The following FGF13 variants were observed in gnomAD, a reference collection of about 807,000 sequenced individuals.
FGF13 encodes fibroblast growth factor 13, also known as fibroblast growth factor homologous factor 2.
Under a neutral mutation model 19.5 loss-of-function variants are expected in FGF13, and 2 were observed. The ratio of observed to expected loss-of-function variants is 0.10; its 90% CI spans 0.04 to 0.32. FGF13 has a LOEUF of 0.32. Ranked by LOEUF, FGF13 falls within the 10% of genes least tolerant of loss-of-function variation. The probability of loss-of-function intolerance (pLI) is 1.00; values close to 1 mark genes in which losing one functional copy is unlikely to be tolerated. For synonymous variants in FGF13, 72 were observed against 76.9 expected, an observed-to-expected ratio of 0.94 and a Z score of 0.33; for missense variants, 113 against 192.7, an observed-to-expected ratio of 0.59 and a Z score of 2.45.
intron 3 of FGF13, among the ~76,000 whole-genome samples, chrX:138,749,322 T>TACACAC (rs34038080): frequency 0.013 from 1,032 of 81,674 alleles, 13 homozygotes; most frequent in African/African-American, 0.033. Flanking sequence ...GAGACCAAAA[T>TACACAC]ACACACACAC....
intron 3 of FGF13, among the ~76,000 whole-genome samples, chrX:138,844,464 A>G (rs1488002401): frequency 8.9e-6 from 1 of 111,861 alleles, no homozygotes; most frequent in Non-Finnish European, 1.9e-5. Context: ...CAGTTTAACT[A>G]TTTCAGTGAT....
intron 1 of FGF13, among the ~76,000 whole-genome samples, chrX:139,034,345 T>C (rs951488948): frequency 9.0e-6 from 1 of 110,940 alleles, no homozygotes; most frequent in Non-Finnish European, 1.9e-5. Context: ...AGGCAAAACA[T>C]AGAAAGAATG....
intron 1 of FGF13, among the ~76,000 whole-genome samples, chrX:138,970,632 A>C (rs773706087): frequency 4.1e-4 from 46 of 111,376 alleles, no homozygotes; most frequent in African/African-American, 1.5e-3. Context: ...TCTTCTCACA[A>C]AGCACCAGGG....
chrX:139,043,202 G>C (rs895392752), intron 1 of FGF13, among the ~76,000 whole-genome samples: 2 of 110,522 alleles, frequency 1.8e-5, no homozygotes, highest in Non-Finnish European at 3.8e-5. Flanking sequence ...TTTCAATTAG[G>C]GAAAGCTAAT....
In FGF13 at chrX:138,625,969, C is replaced by A. The variant is rs190778653; in HGVS notation, c.*6881G>T. 9.0e-6 allele frequency: 1 copy of A among 110,947 alleles called. No homozygotes were observed. Among genetic ancestry groups the A allele is most frequent in the African/African-American group, 3.3e-5 (1 of 30,477 alleles). 9.1% of individuals were successfully genotyped at this position (110,947 alleles called of 1,213,427 possible). ...GGCAAAATACAGATTGTTCAACAGA[C>A]GAAAAGGAGGAATTAGTAGGGCAAT... On this transcript the variant is annotated 3_prime_UTR_variant, in exon 5 of 5. Coordinates refer to ENST00000315930, the MANE Select transcript of FGF13 (RefSeq NM_004114.5).
intron 1 of FGF13, among the ~76,000 whole-genome samples, chrX:139,014,149 A>T (rs1349752061): frequency 9.0e-6 from 1 of 111,655 alleles, no homozygotes; most frequent in Non-Finnish European, 1.9e-5. Context: ...TGCCTACATC[A>T]AAAAAGAAAT....
intron 1 of FGF13, among the ~76,000 whole-genome samples, chrX:138,866,390 AAG>A (rs780161203): frequency 6.2e-4 from 70 of 112,721 alleles, no homozygotes; most frequent in Non-Finnish European, 1.1e-3. Context: ...GCTTAGAAGA[AAG>A]AGCTTTAGAA....
chrX:138,996,957 T>C (rs189129894), intron 1 of FGF13, among the ~76,000 whole-genome samples: 2 of 112,008 alleles, frequency 1.8e-5, no homozygotes, highest in East Asian at 5.7e-4. Flanking sequence ...CGGGTGCCTC[T>C]CTGGGACAAA....
chrX:138,706,151 G>A lies in FGF13; in HGVS notation c.298+2667C>T, dbSNP rs758256658. Among the ~76,000 whole-genome samples, 8 of 107,838 alleles carry A rather than the reference G, an allele frequency of 7.4e-5. No individual in the cohort carries two copies. In the Admixed American group the frequency reaches 8.0e-4, roughly 11 times the overall value. The allele number at this position is 107,838 out of a possible 115,157, so 93.6% of individuals were successfully genotyped here. A position where few individuals can be genotyped will look rare whatever the true frequency, so the allele number is the denominator to read the frequency against. ...TTAATGAAAGTATATATTAACGTAGGTTGGAAAGGCAACATGTTGAACTGA... is the reference window on the plus strand; with the variant it reads ...TTAATGAAAGTATATATTAACGTAGATTGGAAAGGCAACATGTTGAACTGA... On this transcript the variant is annotated intron_variant, in intron 2 of 4. Transcript: ENST00000315930.
rs1340478460 is a variant in FGF13 at position 138,615,164 on chromosome X, C to T, written c.*17686G>A. 9.0e-6 allele frequency: 1 copy of T among 111,196 alleles called. No individual in the cohort carries two copies. Among genetic ancestry groups the T allele is most frequent in the Admixed American group, 9.6e-5 (1 of 10,438 alleles). The allele number at this position is 111,196 out of a possible 1,213,427, so 9.2% of individuals were successfully genotyped here. On this transcript the variant is annotated 3_prime_UTR_variant, in exon 5 of 5. Coordinates refer to ENST00000315930, the MANE Select transcript of FGF13 (RefSeq NM_004114.5). ...TGTGGTAAAATTGCATAGACCTACA[C>T]ACATAAACGTGCACGCACACACACA... is the stretch of plus-strand genomic sequence containing the variant.
chrX:138,913,646 A>G (rs1267949789), intron 1 of FGF13, among the ~76,000 whole-genome samples: 4 of 12,180 alleles, frequency 3.3e-4, no homozygotes, highest in Admixed American at 8.5e-4. Flanking sequence ...TGGAGGAAGG[A>G]AGGAAGGAAG....
chrX:138,976,040 C>T (rs1603088580), intron 1 of FGF13, among the ~76,000 whole-genome samples: 2 of 111,349 alleles, frequency 1.8e-5, no homozygotes, highest in African/African-American at 6.5e-5. Flanking sequence ...ATCTGAATTG[C>T]ATTAGTGTCC....
chrX:139,130,485 C>T (rs1353621157), intron 1 of FGF13, among the ~76,000 whole-genome samples: 1 of 112,036 alleles, frequency 8.9e-6, no homozygotes, highest in Admixed American at 9.5e-5. Flanking sequence ...TTGCTGAGCT[C>T]ATTTATACCA....
intron 1 of FGF13, among the ~76,000 whole-genome samples, chrX:138,936,776 T>G (rs1192113971): frequency 8.9e-6 from 1 of 112,244 alleles, no homozygotes; most frequent in African/African-American, 3.2e-5. Flanking sequence ...TTACATATTG[T>G]GGTCTCCAGG....
chrX:139,112,338 T>C (rs945341158), intron 1 of FGF13, among the ~76,000 whole-genome samples: 1 of 111,370 alleles, frequency 9.0e-6, no homozygotes, highest in African/African-American at 3.3e-5. Context: ...AGGCTCTCCA[T>C]AATCATTAAC....
chrX:138,837,299 G>A (rs1004061953), intron 3 of FGF13, among the ~76,000 whole-genome samples: 5 of 111,118 alleles, frequency 4.5e-5, no homozygotes, highest in South Asian at 3.8e-4. Context: ...CAAAGATGGC[G>A]GTCTGCCCCT....
chrX:139,013,479 T>TTATA lies in FGF13; in HGVS notation c.-112-148833_-112-148830dup, dbSNP rs202184653. 4.5e-3 allele frequency among the ~76,000 whole-genome samples: 321 copies of TTATA among 70,886 alleles called. 1 individual carries two copies. The highest frequency in any genetic ancestry group is 7.3e-3 in the African/African-American group (120 of 16,462). 61.6% of individuals were successfully genotyped at this position (70,886 alleles called of 115,157 possible). On this transcript the variant is annotated intron_variant, in intron 1 of 2. Coordinates refer to the FGF13 transcript ENST00000421460. Reference sequence around the variant, plus strand: ...AATCAATGAATGGATAAAGAAAATTTTATATATATATATATATATATATAT... The same window carrying TTATA: ...AATCAATGAATGGATAAAGAAAATTTTATATATATATATATATATATATATATAT...
At chrX:139,056,657 G>A (rs759642673) in intron 1 of FGF13, among the ~76,000 whole-genome samples, 6 of 112,079 alleles carry the variant, frequency 5.4e-5, no homozygotes, top group South Asian at 3.7e-4. Context: ...AATAATGTGG[G>A]TGTAAATCTC....
chrX:138,785,886 C>T (rs2090687880), intron 3 of FGF13, among the ~76,000 whole-genome samples: 1 of 111,714 alleles, frequency 9.0e-6, no homozygotes, highest in Admixed American at 9.6e-5. Flanking sequence ...GATTCTTACC[C>T]ACAAATCATC....
Sources: gnomAD v4.1 joint callset for allele counts (sites outside exome capture counted in the v4.1 genomes callset) on GRCh38, gnomAD v4.1.1 for gene constraint, MANE v1.5 for transcripts, NCBI Gene and HGNC (gene_info 2026-07-23, HGNC 2026-07-21) for gene names.